Variants in ANKRD13C observed in about 807,000 individuals in gnomAD.
The protein encoded by ANKRD13C is ankyrin repeat domain 13C.
A neutral mutation model predicts 65.5 loss-of-function variants in ANKRD13C; 16 were observed. That is an observed-to-expected ratio of 0.24 (90% CI 0.17 to 0.37). The LOEUF (loss-of-function observed/expected upper bound fraction) is 0.37. ANKRD13C is among the 10% of genes least tolerant of loss of function. The pLI is 1.00. For missense variants in ANKRD13C, 503 were observed against 655.9 expected (o/e 0.77, Z 2.55); for synonymous variants, 235 against 238.7 (o/e 0.98, Z 0.14).
chr1:70,337,146 A>AACACACACAC lies in ANKRD13C; in HGVS notation c.431-1057_431-1048dup, dbSNP rs58715407. Among the ~76,000 whole-genome samples the AACACACACAC allele has an allele frequency of 1.3e-3, 185 of 145,432 alleles. 3 individuals are homozygous for AACACACACAC. The highest frequency in any genetic ancestry group is 4.3e-3 in the African/African-American group (170 of 39,500). Reference sequence around the variant, plus strand: ...TTGACAAGAGATCGGCCATGATTCAAACACACACACACACACACACACACA... The same window carrying AACACACACAC: ...TTGACAAGAGATCGGCCATGATTCAAACACACACACACACACACACACACACACACACACA... On this transcript the variant is annotated intron_variant, in intron 1 of 12. Transcript: ENST00000370944.
At chr1:70,349,529 A>T (rs1258830039) in intron 1 of ANKRD13C, among the ~76,000 whole-genome samples, 1 of 152,152 alleles carries the variant, frequency 6.6e-6, no homozygotes, top group Non-Finnish European at 1.5e-5. Flanking sequence ...TACTCAACCA[A>T]TATTTTACCA....
At chr1:70,331,024 G>A (rs1337133406) in intron 2 of ANKRD13C, among the ~76,000 whole-genome samples, 3 of 152,210 alleles carry the variant, frequency 2.0e-5, no homozygotes, top group South Asian at 4.1e-4. Context: ...AAAAACTAAC[G>A]TTATTCAGTA....
chr1:70,292,592 A>G (rs1679907704), intron 8 of ANKRD13C, 43 bp from the exon 9 acceptor site: 2 of 1,438,888 alleles, frequency 1.4e-6, no homozygotes, highest in Admixed American at 2.3e-5. Context: ...TTTTAGGTTA[A>G]AAAAAGTGTC....
At chr1:70,322,232 C>A (rs1553249733) in intron 3 of ANKRD13C, among the ~76,000 whole-genome samples, 1 of 150,724 alleles carries the variant, frequency 6.6e-6, no homozygotes, top group Non-Finnish European at 1.5e-5. Context: ...AACTCGGTCT[C>A]AAAAAAAATA....
At chr1:70,298,019 T>G (rs999322793) in intron 7 of ANKRD13C, among the ~76,000 whole-genome samples, 7 of 152,090 alleles carry the variant, frequency 4.6e-5, no homozygotes, top group Non-Finnish European at 1.0e-4. Context: ...ATGCAAAATC[T>G]TGGTGTTACT....
At chr1:70,304,782 A>G (rs1466576760) in intron 6 of ANKRD13C, among the ~76,000 whole-genome samples, 3 of 152,204 alleles carry the variant, frequency 2.0e-5, no homozygotes, top group Admixed American at 1.3e-4. Context: ...ACCTATATTA[A>G]AAATGTCTAA....
chr1:70,337,749 C>T (rs1353022590), intron 1 of ANKRD13C, among the ~76,000 whole-genome samples: 1 of 151,986 alleles, frequency 6.6e-6, no homozygotes, highest in African/African-American at 2.4e-5. Context: ...AAATAAGAAC[C>T]GGAGGTACAA....
At chr1:70,311,642 T>C (rs1680854573) in intron 5 of ANKRD13C, among the ~76,000 whole-genome samples, 1 of 152,166 alleles carries the variant, frequency 6.6e-6, no homozygotes, top group South Asian at 2.1e-4. Flanking sequence ...TTAACAATAG[T>C]CACCTCTGGG....
chr1:70,266,032 A>C (rs1157926542), intron 12 of ANKRD13C, among the ~76,000 whole-genome samples: 1 of 152,026 alleles, frequency 6.6e-6, no homozygotes, highest in East Asian at 1.9e-4. Flanking sequence ...CAACATAAAA[A>C]TCAGGATATT....
chr1:70,327,972 G>A (rs1681614433), intron 2 of ANKRD13C, among the ~76,000 whole-genome samples: 2 of 152,138 alleles, frequency 1.3e-5, no homozygotes, highest in South Asian at 2.1e-4. Context: ...GGCTGAGGCA[G>A]GAGAGCTGCT....
At chr1:70,268,314 T>C (rs151116088) in intron 12 of ANKRD13C, among the ~76,000 whole-genome samples, 3,712 of 152,010 alleles carry the variant, frequency 0.024, 122 homozygotes, top group African/African-American at 0.074. Context: ...GGATTACAGG[T>C]ACCCGCCACC....
chr1:70,329,339 A>G (rs1572148208), intron 2 of ANKRD13C, among the ~76,000 whole-genome samples: 1 of 152,062 alleles, frequency 6.6e-6, no homozygotes. Flanking sequence ...TGGCCAACAT[A>G]GTGAAACCCC....
intron 5 of ANKRD13C, among the ~76,000 whole-genome samples, chr1:70,307,433 A>C (rs1345474115): frequency 6.6e-6 from 1 of 152,122 alleles, no homozygotes. Flanking sequence ...ATAAACAAAT[A>C]AAATTTTTAA....
intron 2 of ANKRD13C, among the ~76,000 whole-genome samples, chr1:70,330,296 G>A (rs1681727258): frequency 6.6e-6 from 1 of 152,060 alleles, no homozygotes; most frequent in Admixed American, 6.6e-5. Context: ...AGTGGCTCAT[G>A]CCTACAATCC....
At chr1:70,303,710 T>C (rs997021849) in intron 6 of ANKRD13C, among the ~76,000 whole-genome samples, 2 of 152,216 alleles carry the variant, frequency 1.3e-5, no homozygotes, top group African/African-American at 4.8e-5. Context: ...TCTTTGAATA[T>C]ATTTTAAAAT....
rs997852446 is a variant in ANKRD13C, at chr1:70,259,092, A to G, written c.*3625T>C. On this transcript the variant is annotated 3_prime_UTR_variant, in exon 13 of 13. Coordinates refer to ENST00000370944, the MANE Select transcript of ANKRD13C (RefSeq NM_030816.5). Reference sequence around the variant, plus strand: ...TAAGTACACCCAATATGGTTCTCACAATGACAAAATCACCTGATGCATTCC... The same window carrying G: ...TAAGTACACCCAATATGGTTCTCACGATGACAAAATCACCTGATGCATTCC... Among the ~76,000 whole-genome samples the G allele has an allele frequency of 6.6e-6, 1 of 152,198 alleles. No individual in the cohort carries two copies. The highest frequency in any genetic ancestry group is 2.4e-5 in the African/African-American group (1 of 41,442).
At chr1:70,271,789 A>T (rs1330256187) in intron 11 of ANKRD13C, among the ~76,000 whole-genome samples, 1 of 152,194 alleles carries the variant, frequency 6.6e-6, no homozygotes, top group African/African-American at 2.4e-5. Flanking sequence ...TTAGTTCTTC[A>T]TTACAGAGAA....
In ANKRD13C at chr1:70,354,332, C is replaced by G; in HGVS notation, c.77G>C (p.Gly26Ala). Reference sequence around the variant, plus strand: ...GAGGGCAGCCGCCGCTTCCTCATCCCCGGGCTCCAGCAGGTCCCCTTCTTC... The same window carrying G: ...GAGGGCAGCCGCCGCTTCCTCATCCGCGGGCTCCAGCAGGTCCCCTTCTTC... The part of the protein sequence containing the change: ...SKEEGDLLEP[G>A]DEEAAAALGG... The change falls in exon 1 of 13, where the codon GGG becomes GCG. Residue 26 changes from glycine (G) to alanine (A), a missense_variant. This residue lies in a region of ANKRD13C where 203 missense variants were observed against 177.6 expected (regional missense o/e 1.14). Coordinates refer to ENST00000370944, the MANE Select transcript of ANKRD13C (RefSeq NM_030816.5). The G allele has an allele frequency of 6.2e-7, 1 of 1,614,172 alleles. No individual in the cohort carries two copies.
chr1:70,342,511 T>A (rs1682352977), intron 1 of ANKRD13C, among the ~76,000 whole-genome samples: 1 of 151,984 alleles, frequency 6.6e-6, no homozygotes, highest in Non-Finnish European at 1.5e-5. Context: ...CACTCCAGCC[T>A]GGGTGACAGA....
Sources: allele counts gnomAD v4.1 joint callset (sites outside exome capture counted in the v4.1 genomes callset), GRCh38; gene constraint gnomAD v4.1.1; regional missense constraint gnomAD v4.1.1; transcripts MANE v1.5; gene names NCBI Gene and HGNC (gene_info 2026-07-23, HGNC 2026-07-21).